The following DYNC1I2 variants were observed in gnomAD, a reference collection of about 807,000 sequenced individuals.
DYNC1I2 encodes the protein cytoplasmic dynein 1 intermediate chain 2.
A neutral mutation model predicts 88.6 loss-of-function variants in DYNC1I2; 53 were observed. The observed-to-expected ratio is 0.60, with a 90% CI of 0.48 to 0.75. The LOEUF is 0.75. Ranked by LOEUF, DYNC1I2 falls within the 30% of genes least tolerant of loss-of-function variation. The probability of loss-of-function intolerance (pLI) is 0.00; values close to 1 mark genes in which losing one functional copy is unlikely to be tolerated. For synonymous variants in DYNC1I2, 198 were observed against 254.6 expected (o/e 0.78, Z 2.12); for missense variants, 458 against 766.6 (o/e 0.60, Z 4.75).
At chr2:171,736,923 TC>T (rs1424261257) in intron 15 of DYNC1I2, among the ~76,000 whole-genome samples, 3 of 152,166 alleles carry the variant, frequency 2.0e-5, no homozygotes, top group Non-Finnish European at 4.4e-5. Context: ...AATCTAGAAC[TC>T]CCCGCTTACC....
chr2:171,691,241 A>G (rs1286848150), intron 2 of DYNC1I2, among the ~76,000 whole-genome samples: 1 of 152,228 alleles, frequency 6.6e-6, no homozygotes, highest in Non-Finnish European at 1.5e-5. Flanking sequence ...AAAAATATGC[A>G]TCACATTATA....
At chr2:171,744,895 G>GA (rs1160862570) in intron 16 of DYNC1I2, among the ~76,000 whole-genome samples, 2 of 152,054 alleles carry the variant, frequency 1.3e-5, no homozygotes, top group African/African-American at 4.8e-5. Flanking sequence ...AACAATTGTT[G>GA]AGAGAGTCAA....
intron 5 of DYNC1I2, among the ~76,000 whole-genome samples, chr2:171,710,010 C>A (rs1686985944): frequency 6.6e-6 from 1 of 152,138 alleles, no homozygotes; most frequent in South Asian, 2.1e-4. Flanking sequence ...AGCCACCGCA[C>A]CCAGCCACAT....
chr2:171,688,523 A>G (rs1685145963), intron 1 of DYNC1I2: 1 of 152,202 alleles, frequency 6.6e-6, no homozygotes, highest in Admixed American at 6.5e-5. Context: ...TTACGTATGG[A>G]AGTTCTCTTC....
chr2:171,710,003 C>T (rs934210578), intron 5 of DYNC1I2, among the ~76,000 whole-genome samples: 7 of 152,146 alleles, frequency 4.6e-5, no homozygotes, highest in African/African-American at 1.4e-4. Context: ...AGGCTTGAGC[C>T]ACCGCACCCA....
intron 15 of DYNC1I2, among the ~76,000 whole-genome samples, chr2:171,739,422 T>G (rs891185363): frequency 1.3e-5 from 2 of 152,104 alleles, no homozygotes; most frequent in Non-Finnish European, 2.9e-5. Context: ...CCAGCTTCCA[T>G]AGTTAACACA....
In DYNC1I2 at chr2:171,687,641, G is replaced by C. The variant is rs1685058793; in HGVS notation, c.-10+14G>C. 1 of 152,198 alleles carries C rather than the reference G, an allele frequency of 6.6e-6. No homozygotes were observed. The highest frequency in any genetic ancestry group is 2.4e-5 in the African/African-American group (1 of 41,404). 9.4% of individuals were successfully genotyped at this position (152,198 alleles called of 1,614,324 possible). ...GCTTTACGACAGGTAAGTCACGGAG[G>C]GGCTACAATTCCTCGCAGCAGGGCC... On this transcript the variant is annotated intron_variant, in intron 1 of 17. Coordinates refer to ENST00000397119, the MANE Select transcript of DYNC1I2 (RefSeq NM_001378.3).
At chr2:171,690,806 C>T (rs1685349294) in intron 2 of DYNC1I2, among the ~76,000 whole-genome samples, 1 of 151,832 alleles carries the variant, frequency 6.6e-6, no homozygotes, top group East Asian at 1.9e-4. Flanking sequence ...AGGCACATGT[C>T]ACTATGCTAG....
At chr2:171,694,588 C>T (rs1007518209) in intron 3 of DYNC1I2, among the ~76,000 whole-genome samples, 1 of 151,942 alleles carries the variant, frequency 6.6e-6, no homozygotes, top group African/African-American at 2.4e-5. Context: ...ACCTGGGAGG[C>T]AGAGGTTGTG....
chr2:171,733,977 G>A (rs982158437), intron 15 of DYNC1I2, among the ~76,000 whole-genome samples: 2 of 152,090 alleles, frequency 1.3e-5, no homozygotes, highest in African/African-American at 4.8e-5. Context: ...TTTTGTATAA[G>A]ATGTAAGGAA....
chr2:171,724,295 A>G (rs1038179436), intron 7 of DYNC1I2, among the ~76,000 whole-genome samples: 1 of 152,164 alleles, frequency 6.6e-6, no homozygotes, highest in Non-Finnish European at 1.5e-5. Context: ...TCTAAACCTA[A>G]CAGTATGTGT....
intron 4 of DYNC1I2, 25 bp downstream of exon 4, chr2:171,706,589 C>T: frequency 6.2e-7 from 1 of 1,607,250 alleles, no homozygotes; most frequent in East Asian, 2.2e-5. Flanking sequence ...ATAAGTCTTG[C>T]CTTGTTTATT....
At chr2:171,703,120 GC>G (rs1246609548) in intron 3 of DYNC1I2, among the ~76,000 whole-genome samples, 2 of 152,194 alleles carry the variant, frequency 1.3e-5, no homozygotes, top group Non-Finnish European at 2.9e-5. Context: ...TACCTCTGGT[GC>G]CATCACAGGC....
chr2:171,734,757 T>G (rs375103943), intron 15 of DYNC1I2, among the ~76,000 whole-genome samples: 1 of 152,244 alleles, frequency 6.6e-6, no homozygotes, highest in Non-Finnish European at 1.5e-5. Flanking sequence ...TTGGCCATAC[T>G]GTGGCTCCAG....
At chr2:171,735,007 T>C (rs1208423608) in intron 15 of DYNC1I2, among the ~76,000 whole-genome samples, 1 of 152,240 alleles carries the variant, frequency 6.6e-6, no homozygotes, top group Non-Finnish European at 1.5e-5. Flanking sequence ...TTAAATGTTT[T>C]GCTTCTCTTC....
chr2:171,717,274 C>A (rs988188257), intron 7 of DYNC1I2, among the ~76,000 whole-genome samples: 28 of 151,522 alleles, frequency 1.8e-4, no homozygotes, highest in African/African-American at 6.1e-4. Flanking sequence ...CCACCACGCC[C>A]GGCTAATTTT....
intron 5 of DYNC1I2, 119 bp from the exon 6 acceptor site, chr2:171,712,648 G>T: frequency 1.4e-6 from 1 of 724,010 alleles, no homozygotes; most frequent in South Asian, 2.0e-5. Flanking sequence ...ATACTAACCA[G>T]AACATGTGTT....
Position 171,726,911 on chromosome 2 carries a change from T to C in DYNC1I2, c.991T>C (p.Cys331Arg). 1 of 1,608,154 alleles carries C rather than the reference T, an allele frequency of 6.2e-7. No individual in the cohort carries two copies. Among genetic ancestry groups the C allele is most frequent in the Non-Finnish European group, 8.5e-7 (1 of 1,177,334 alleles). Residue 331 changes from cysteine (C) to arginine (R), a missense_variant, in exon 11 of 18, where the codon TGC (cysteine) becomes CGC (arginine). Physicochemically the swap from Cys to Arg is radical, Grantham distance 180 (BLOSUM62 -3). Coordinates refer to ENST00000397119, the MANE Select transcript of DYNC1I2 (RefSeq NM_001378.3). ...KKTTPEYVFH[C>R]QSAVMSATFA... The stretch of plus-strand genomic sequence containing the variant: ...AACTACCCCAGAGTATGTGTTTCAC[T>C]GCCAGGTATGGTGGTCTTTTAACAG...
intron 5 of DYNC1I2, among the ~76,000 whole-genome samples, chr2:171,710,122 T>TAC (rs55862813): frequency 0.061 from 8,743 of 144,116 alleles, 474 homozygotes; most frequent in African/African-American, 0.14. Context: ...TATGTATATA[T>TAC]ACACACACAC....
Sources: gnomAD v4.1 joint callset for allele counts (sites outside exome capture counted in the v4.1 genomes callset) on GRCh38, gnomAD v4.1.1 for gene constraint, MANE v1.5 for transcripts, NCBI Gene and HGNC (gene_info 2026-07-23, HGNC 2026-07-21) for gene names.